The following IQCK variants were observed in gnomAD, a reference collection of about 807,000 sequenced individuals.
IQCK encodes IQ motif containing K, also known as IQ domain-containing protein K.
A neutral mutation model predicts 28.1 loss-of-function variants in IQCK; 29 were observed. The ratio of observed to expected loss-of-function variants is 1.03; its 90% confidence interval spans 0.77 to 1.41. The LOEUF (loss-of-function observed/expected upper bound fraction) is 1.41. IQCK is among the 40% of genes most tolerant of loss of function. The probability of loss-of-function intolerance (pLI) is 0.00; values close to 1 mark genes in which losing one functional copy is unlikely to be tolerated. For missense variants in IQCK, 359 were observed against 314.7 expected, an observed-to-expected ratio of 1.14 and a Z score of -1.07; for synonymous variants, 113 against 115.1, an observed-to-expected ratio of 0.98 and a Z score of 0.12.
At chr16:19,816,389 C>A (rs1039579235) in intron 7 of IQCK, among the ~76,000 whole-genome samples, 2 of 152,180 alleles carry the variant, frequency 1.3e-5, no homozygotes, top group Admixed American at 6.5e-5. Flanking sequence ...TCAAGCGATT[C>A]TCCCACCTCA....
chr16:19,764,083 T>C (rs2055192823), exon 6 of IQCK: 1 of 1,613,726 alleles, frequency 6.2e-7, no homozygotes, highest in African/African-American at 1.3e-5. Flanking sequence ...TTTTCTCCAT[T>C]CCATTTGTGG....
chr16:19,761,328 C>T, intron 4 of IQCK: 1 of 447,030 alleles, frequency 2.2e-6, no homozygotes, highest in Non-Finnish European at 4.5e-6. Context: ...TCCTTCATCT[C>T]TCTGGTCTCC....
chr16:19,741,701 A>T (rs1466567025), intron 4 of IQCK, among the ~76,000 whole-genome samples: 1 of 152,188 alleles, frequency 6.6e-6, no homozygotes, highest in African/African-American at 2.4e-5. Flanking sequence ...AACTGTTCAT[A>T]TGTGGCCAGG....
At chr16:19,730,461 A>T in exon 2 of IQCK, 1 of 1,608,934 alleles carries the variant, frequency 6.2e-7, no homozygotes, top group Non-Finnish European at 8.5e-7. Flanking sequence ...CCTTTCCAGA[A>T]GGATATAAAG....
At chr16:19,734,269 G>C (rs1977933966) in intron 3 of IQCK, among the ~76,000 whole-genome samples, 1 of 152,136 alleles carries the variant, frequency 6.6e-6, no homozygotes, top group South Asian at 2.1e-4. Flanking sequence ...GGCTGAGGCA[G>C]GAGGATCACT....
intron 7 of IQCK, among the ~76,000 whole-genome samples, chr16:19,822,182 T>C (rs2056083466): frequency 6.6e-6 from 1 of 150,910 alleles, no homozygotes; most frequent in Non-Finnish European, 1.5e-5. Context: ...GGTCAGGGGT[T>C]CGAGACCAGC....
chr16:19,736,568 G>A (rs1978021619), intron 4 of IQCK, among the ~76,000 whole-genome samples: 1 of 152,104 alleles, frequency 6.6e-6, no homozygotes, highest in Non-Finnish European at 1.5e-5. Context: ...GGATACTTTG[G>A]GTGTATGTGT....
downstream of IQCK, among the ~76,000 whole-genome samples, chr16:19,831,788 G>A (rs2056235978): frequency 6.6e-6 from 1 of 152,080 alleles, no homozygotes; most frequent in South Asian, 2.1e-4. Context: ...TCATAGCTTA[G>A]AGCAACCTTG....
intron 7 of IQCK, among the ~76,000 whole-genome samples, chr16:19,798,424 ATATAT>A (rs2055717169): frequency 1.7e-5 from 2 of 115,700 alleles, no homozygotes; most frequent in African/African-American, 7.6e-5. Flanking sequence ...CACAAAAAAT[ATATAT>A]ATATATATAT....
intron 6 of IQCK, among the ~76,000 whole-genome samples, chr16:19,779,575 C>G (rs917736038): frequency 2.0e-5 from 3 of 152,126 alleles, no homozygotes; most frequent in Non-Finnish European, 4.4e-5. Context: ...GATAGCAGCT[C>G]TTTAATACTT....
chr16:19,745,295 G>A (rs529594364), intron 4 of IQCK, among the ~76,000 whole-genome samples: 2 of 152,078 alleles, frequency 1.3e-5, no homozygotes, highest in African/African-American at 4.8e-5. Flanking sequence ...TGGCACTCTG[G>A]CATTTAAATG....
At chr16:19,733,777 C>T in exon 3 of IQCK, 1 of 1,614,192 alleles carries the variant, frequency 6.2e-7, no homozygotes, top group Non-Finnish European at 8.5e-7. Flanking sequence ...ACCATGATCT[C>T]ACGTACACCC....
intron 4 of IQCK, among the ~76,000 whole-genome samples, chr16:19,739,341 A>G (rs2054800728): frequency 6.6e-6 from 1 of 152,258 alleles, no homozygotes; most frequent in Non-Finnish European, 1.5e-5. Context: ...TGGGAAGACC[A>G]TAATGATCAG....
chr16:19,827,132 A>G, exon 8 of IQCK: 1 of 1,608,850 alleles, frequency 6.2e-7, no homozygotes, highest in South Asian at 1.1e-5. Flanking sequence ...AAGCAAGAAC[A>G]AAAAGGTAAG....
intron 1 of IQCK, among the ~76,000 whole-genome samples, chr16:19,728,967 T>G (rs544147261): frequency 6.6e-6 from 1 of 152,306 alleles, no homozygotes; most frequent in East Asian, 1.9e-4. Context: ...AATTAATTTT[T>G]CCTCATGACT....
At chr16:19,844,142 C>T (rs28584821) in intron 9 of IQCK, among the ~76,000 whole-genome samples, 2,586 of 150,842 alleles carry the variant, frequency 0.017, 58 homozygotes, top group African/African-American at 0.059. Flanking sequence ...TGCAGTGGCA[C>T]GACCTCGGCT....
intron 6 of IQCK, among the ~76,000 whole-genome samples, chr16:19,775,991 C>G (rs1203761676): frequency 6.9e-6 from 1 of 145,604 alleles, no homozygotes; most frequent in African/African-American, 2.5e-5. Context: ...AAGCCATTCT[C>G]CTGTCTCAGC....
chr16:19,816,983 T>C (rs2141074931), intron 7 of IQCK, among the ~76,000 whole-genome samples: 1 of 152,296 alleles, frequency 6.6e-6, no homozygotes. Context: ...TAGTTTGTAA[T>C]TTGTGGAGCT....
chr16:19,819,104 G>C (rs1323272239), intron 7 of IQCK, among the ~76,000 whole-genome samples: 3 of 152,164 alleles, frequency 2.0e-5, no homozygotes, highest in East Asian at 1.9e-4. Flanking sequence ...GTGTTAAAGG[G>C]TGTCCACGAT....
Sources: gnomAD v4.1 joint callset for allele counts (sites outside exome capture counted in the v4.1 genomes callset) on GRCh38, gnomAD v4.1.1 for gene constraint, MANE v1.5 for transcripts, NCBI Gene and HGNC (gene_info 2026-07-23, HGNC 2026-07-21) for gene names.